The following GPR158 variants were observed in gnomAD, a reference collection of about 807,000 sequenced individuals.
The protein encoded by GPR158 is metabotropic glycine receptor.
Under a neutral mutation model 78.2 loss-of-function variants are expected in GPR158, and 30 were observed. The ratio of observed to expected loss-of-function variants is 0.38; its 90% CI spans 0.29 to 0.52. The LOEUF (loss-of-function observed/expected upper bound fraction) is 0.52. Ranked by LOEUF, GPR158 falls within the 20% of genes least tolerant of loss-of-function variation. The pLI, the probability that GPR158 is intolerant of heterozygous loss-of-function variation, is 0.83. For synonymous variants in GPR158, 581 were observed against 591.1 expected (o/e 0.98, Z 0.25); for missense variants, 1,463 against 1,523.5 (o/e 0.96, Z 0.66).
intron 5 of GPR158, among the ~76,000 whole-genome samples, chr10:25,503,251 C>T (rs1835965132): frequency 6.6e-6 from 1 of 151,828 alleles, no homozygotes; most frequent in African/African-American, 2.4e-5. Flanking sequence ...GTTGCACATG[C>T]CTCTAGTCCT....
chr10:25,401,038 C>T (rs1258027735), intron 3 of GPR158, among the ~76,000 whole-genome samples: 3 of 152,152 alleles, frequency 2.0e-5, no homozygotes, highest in Non-Finnish European at 4.4e-5. Flanking sequence ...AAATGTTAAG[C>T]AAGGCTGACT....
intron 4 of GPR158, among the ~76,000 whole-genome samples, chr10:25,459,815 A>G (rs1226233952): frequency 6.6e-6 from 1 of 152,046 alleles, no homozygotes; most frequent in Non-Finnish European, 1.5e-5. Context: ...GATAGAAATG[A>G]GTATAATATA....
chr10:25,522,949 A>T (rs1045690666), intron 5 of GPR158, among the ~76,000 whole-genome samples: 3 of 144,718 alleles, frequency 2.1e-5, no homozygotes, highest in Non-Finnish European at 4.6e-5. Context: ...TTAAACTTAA[A>T]AAAAGTAAAA....
chr10:25,413,192 T>C (rs1381306325), intron 4 of GPR158, among the ~76,000 whole-genome samples: 1 of 152,048 alleles, frequency 6.6e-6, no homozygotes, highest in East Asian at 1.9e-4. Context: ...AGCTAGCCAA[T>C]GTGGTGGTGC....
At chr10:25,333,036 CAGAA>C (rs1855148793) in intron 2 of GPR158, among the ~76,000 whole-genome samples, 1 of 152,046 alleles carries the variant, frequency 6.6e-6, no homozygotes, top group South Asian at 2.1e-4. Context: ...AGAAATCTGA[CAGAA>C]AGAAATTTCA....
intron 4 of GPR158, among the ~76,000 whole-genome samples, chr10:25,423,169 GTATATATGTATA>G (rs1233922148): frequency 6.7e-6 from 1 of 148,714 alleles, no homozygotes; most frequent in Non-Finnish European, 1.5e-5. Context: ...ATATATGTGT[GTATATATGTATA>G]TACACACATA....
intron 5 of GPR158, among the ~76,000 whole-genome samples, chr10:25,539,313 A>C (rs140022129): frequency 1.1e-4 from 16 of 152,278 alleles, no homozygotes; most frequent in African/African-American, 3.8e-4. Flanking sequence ...AGAAGACCCC[A>C]ATGAGGAGGA....
At chr10:25,190,254 AGTT>A (rs1223155644) in intron 1 of GPR158, among the ~76,000 whole-genome samples, 3 of 152,182 alleles carry the variant, frequency 2.0e-5, no homozygotes, top group Non-Finnish European at 4.4e-5. Context: ...TTCAACTAGA[AGTT>A]GTTCAGAATT....
intron 1 of GPR158, among the ~76,000 whole-genome samples, chr10:25,197,912 A>C (rs1852865271): frequency 6.6e-6 from 1 of 152,200 alleles, no homozygotes. Context: ...AGAAATGGTC[A>C]TATCCAAAGA....
intron 1 of GPR158, among the ~76,000 whole-genome samples, chr10:25,217,555 G>GT (rs1288464780): frequency 6.6e-6 from 1 of 152,224 alleles, no homozygotes; most frequent in Non-Finnish European, 1.5e-5. Context: ...GGACCCAAGA[G>GT]TATGCTAGTA....
chr10:25,202,363 C>G (rs1216547632), intron 1 of GPR158, among the ~76,000 whole-genome samples: 1 of 151,956 alleles, frequency 6.6e-6, no homozygotes, highest in Admixed American at 6.6e-5. Flanking sequence ...ATTAACTCGT[C>G]ATTTACATTA....
intron 2 of GPR158, among the ~76,000 whole-genome samples, chr10:25,275,460 T>C (rs1854171464): frequency 1.3e-5 from 2 of 152,244 alleles, no homozygotes; most frequent in South Asian, 4.1e-4. Context: ...CGTTAACTAC[T>C]ACAATAGCAG....
chr10:25,504,320 C>G (rs1033894267), intron 5 of GPR158, among the ~76,000 whole-genome samples: 1 of 152,098 alleles, frequency 6.6e-6, no homozygotes, highest in Non-Finnish European at 1.5e-5. Flanking sequence ...GTGGGGCTGC[C>G]CAAGTACCCC....
intron 2 of GPR158, among the ~76,000 whole-genome samples, chr10:25,341,430 G>A (rs376047032): frequency 1.3e-4 from 20 of 152,050 alleles, no homozygotes; most frequent in Admixed American, 2.0e-4. Context: ...AGCCAAGGAT[G>A]TATATTGTAC....
chr10:25,268,944 T>C (rs903716981), intron 2 of GPR158, among the ~76,000 whole-genome samples: 5 of 152,208 alleles, frequency 3.3e-5, no homozygotes, highest in African/African-American at 1.2e-4. Context: ...AAGGTGTGAG[T>C]AAAACACCTC....
intron 4 of GPR158, among the ~76,000 whole-genome samples, chr10:25,424,734 T>C (rs1409144016): frequency 6.6e-6 from 1 of 152,110 alleles, no homozygotes; most frequent in African/African-American, 2.4e-5. Flanking sequence ...TTCTGTTCCA[T>C]TGATCTATAT....
At chr10:25,512,415 G>C (rs1836097838) in intron 5 of GPR158, among the ~76,000 whole-genome samples, 2 of 152,140 alleles carry the variant, frequency 1.3e-5, no homozygotes, top group Non-Finnish European at 2.9e-5. Context: ...TAATTTAACA[G>C]TTCGAGGAGC....
intron 5 of GPR158, among the ~76,000 whole-genome samples, chr10:25,497,584 T>C (rs903173163): frequency 6.6e-6 from 1 of 152,178 alleles, no homozygotes. Context: ...AAGATAGGAC[T>C]CTTCAGGAGA....
At chr10:25,475,720 C>T (rs1198977654) in intron 5 of GPR158, 1 of 152,008 alleles carries the variant, frequency 6.6e-6, no homozygotes, top group Non-Finnish European at 1.5e-5. Context: ...TGTTAAATAC[C>T]TTACCTACTT....
Sources: gnomAD v4.1 joint callset for allele counts (sites outside exome capture counted in the v4.1 genomes callset) on GRCh38, gnomAD v4.1.1 for gene constraint, MANE v1.5 for transcripts, NCBI Gene and HGNC (gene_info 2026-07-23, HGNC 2026-07-21) for gene names.